The following TAS2R16 variants were observed in gnomAD, a reference collection of about 807,000 sequenced individuals.
TAS2R16 encodes taste 2 receptor member 16.
TAS2R16 carries 5 observed loss-of-function variants against 5.0 expected under a neutral mutation model. The observed-to-expected ratio is 1.00, with a 90% confidence interval of 0.52 to 2.11. TAS2R16 has a LOEUF of 2.11. Ranked by LOEUF, TAS2R16 falls within the 30% of genes most tolerant of loss-of-function variation. The probability of loss-of-function intolerance (pLI) is 0.01; values close to 1 mark genes in which losing one functional copy is unlikely to be tolerated. For missense variants in TAS2R16, 363 were observed against 341.3 expected (o/e 1.06, Z -0.50); for synonymous variants, 142 against 123.3 (o/e 1.15, Z -1.00).
Position 122,995,229 on chromosome 7 carries a change from T to C in TAS2R16, c.406A>G (p.Ile136Val). 6.2e-7 allele frequency: 1 copy of C among 1,613,746 alleles called. No individual in the cohort carries two copies. The highest frequency in any genetic ancestry group is 1.1e-5 in the South Asian group (1 of 91,074). Residue 136 changes from isoleucine to valine, a missense_variant, in exon 1 of 1, where the codon ATT becomes GTT. By Grantham distance (29) the Ile-to-Val change is conservative. Transcript: ENST00000249284. ...GAAGGGATGATTGTTACACAAGTAA[T>C]CATCAGAGAACCCAGTAATATCCAG... Reference protein sequence around the residue: ...FPWILLGSLMITCVTIIPSAI... With the variant: ...FPWILLGSLMVTCVTIIPSAI...
Position 122,995,075 on chromosome 7 carries a change from A to T in TAS2R16, c.560T>A (p.Ile187Asn), listed in dbSNP as rs777026373. The T allele has an allele frequency of 2.5e-6, 4 of 1,613,910 alleles. No individual in the cohort carries two copies. The highest frequency in any genetic ancestry group is 3.4e-6 in the Non-Finnish European group (4 of 1,179,890). ...GGAGGCCAGGAACAGGATGAAAGGA[A>T]TAACCAATGCAACTGTATGAGCCTG... is the stretch of plus-strand genomic sequence containing the variant. Reference protein sequence around the residue: ...QFQAHTVALVIPFILFLASTI... With the variant: ...QFQAHTVALVNPFILFLASTI... Residue 187 changes from isoleucine (I) to asparagine (N), a missense_variant, in exon 1 of 1, where the codon ATT becomes AAT. Transcript: ENST00000249284.
chr7:122,994,860 A>G lies in TAS2R16; in HGVS notation c.775T>C (p.Trp259Arg), dbSNP rs1825946614. ...GTLFDKRCWL[W>R]VWEAFVYAFI... Reference sequence around the variant, plus strand: ...GCATAGACAAAAGCTTCCCAGACCCATAACCAACATCTCTTATCAAATAGA... The same window carrying G: ...GCATAGACAAAAGCTTCCCAGACCCGTAACCAACATCTCTTATCAAATAGA... Residue 259 changes from tryptophan to arginine, a missense_variant, in exon 1 of 1, where the codon TGG becomes CGG. Coordinates refer to ENST00000249284, the MANE Select transcript of TAS2R16 (RefSeq NM_016945.3). The G allele has an allele frequency of 6.2e-7, 1 of 1,613,692 alleles. No homozygotes were observed. Among genetic ancestry groups the G allele is most frequent in the Middle Eastern group, 1.7e-4 (1 of 6,054 alleles).
chr7:122,995,642 C>T lies in TAS2R16; in HGVS notation c.-8G>A, dbSNP rs544041609. ...GAGTTGGATGGGTATCATTCTTCTACTCCAAAGTGTCTTCCTGGACAAAGA... is the reference window on the plus strand; with the variant it reads ...GAGTTGGATGGGTATCATTCTTCTATTCCAAAGTGTCTTCCTGGACAAAGA... On this transcript the variant is annotated 5_prime_UTR_variant, in exon 1 of 1. Transcript: ENST00000249284. The T allele has an allele frequency of 6.5e-7, 1 of 1,527,956 alleles. No homozygotes were observed. The highest frequency in any genetic ancestry group is 1.3e-5 in the South Asian group (1 of 76,164). The allele number at this position is 1,527,956 out of a possible 1,614,324, so 94.6% of individuals were successfully genotyped here.
rs860170 is a variant in TAS2R16, at chr7:122,994,970, C to T, written c.665G>A (p.Arg222His). 1,106,187 of 1,613,532 alleles carry T rather than the reference C, an allele frequency of 0.69. 382,313 individuals are homozygous for T. The highest frequency in any genetic ancestry group is 0.91 in the African/African-American group (68,276 of 74,972). ...TGHCNPSMKA[R>H]FTALRSLAVL... ...GGCAAGGGACCTCAGGGCAGTGAAG[C>T]GCGCTTTCATGCTTGGATTGCAGTG... The change falls in exon 1 of 1, where the codon CGC becomes CAC. Residue 222 changes from arginine (R) to histidine (H), a missense_variant. Coordinates refer to ENST00000249284, the MANE Select transcript of TAS2R16 (RefSeq NM_016945.3).
In TAS2R16 at chr7:122,995,175, A is replaced by G. The variant is rs2233989; in HGVS notation, c.460T>C (p.Leu154=). The change falls in exon 1 of 1, where the codon TTA becomes CTA. Residue 154 remains leucine, a synonymous_variant. Coordinates refer to ENST00000249284, the MANE Select transcript of TAS2R16 (RefSeq NM_016945.3). ...SAIGNYIQIQ[L]LTMEHLPRNS... ...CTTGGTAGATGCTCCATGGTGAGTA[A>G]CTGAATTTGAATGTAATTCCCAATA... is the stretch of plus-strand genomic sequence containing the variant. 10,281 of 1,613,810 alleles carry G rather than the reference A, an allele frequency of 6.4e-3. 576 individuals carry two copies. In the African/African-American group the frequency reaches 0.12, roughly 19 times the overall value.
chr7:122,995,227 A>G lies in TAS2R16; in HGVS notation c.408T>C (p.Ile136=), dbSNP rs763935293. ...CTGAAGGGATGATTGTTACACAAGT[A>G]ATCATCAGAGAACCCAGTAATATCC... The part of the protein sequence containing the change: ...FPWILLGSLM[I]TCVTIIPSAI... The change falls in exon 1 of 1, where the codon ATT becomes ATC. Residue 136 remains isoleucine, a synonymous_variant. Coordinates refer to ENST00000249284, the MANE Select transcript of TAS2R16 (RefSeq NM_016945.3). 1 of 1,613,842 alleles carries G rather than the reference A, an allele frequency of 6.2e-7. No homozygotes were observed. Among genetic ancestry groups the G allele is most frequent in the East Asian group, 2.2e-5 (1 of 44,792 alleles).
In TAS2R16 at chr7:122,995,399, C is replaced by G. The variant is rs748526287; in HGVS notation, c.236G>C (p.Cys79Ser). Reference protein sequence around the residue: ...CSYFNLNYVLCNLTITWEFFN... With the variant: ...CSYFNLNYVLSNLTITWEFFN... ...AAATTCCCAGGTGATTGTTAAGTTG[C>G]AAAGTACATAATTCAAATTAAAATA... The change falls in exon 1 of 1, where the codon TGC becomes TCC. Residue 79 changes from cysteine (C) to serine (S), a missense_variant. Transcript: ENST00000249284. The G allele has an allele frequency of 6.2e-7, 1 of 1,613,372 alleles. No homozygotes were observed. The highest frequency in any genetic ancestry group is 8.5e-7 in the Non-Finnish European group (1 of 1,179,800).
Position 122,995,002 on chromosome 7 carries a change from G to C in TAS2R16, c.633C>G (p.Ser211Arg). ...TCATGCTTGGATTGCAGTGACCAGTGCTATGATGTTGTATCTGCTTGGTCA... is the reference window on the plus strand; with the variant it reads ...TCATGCTTGGATTGCAGTGACCAGTCCTATGATGTTGTATCTGCTTGGTCA... ...ASLTKQIQHH[S>R]TGHCNPSMKA... is the part of the protein sequence containing the mutation. Residue 211 changes from serine (S) to arginine (R), a missense_variant, in exon 1 of 1, where the codon AGC becomes AGG. Ser to Arg is a moderately radical substitution (Grantham distance 110). Transcript: ENST00000249284. The C allele has an allele frequency of 6.2e-7, 1 of 1,613,882 alleles. No homozygotes were observed. The highest frequency in any genetic ancestry group is 8.5e-7 in the Non-Finnish European group (1 of 1,179,880).
Sources: gnomAD v4.1 joint callset for allele counts on GRCh38, gnomAD v4.1.1 for gene constraint, MANE v1.5 for transcripts, NCBI Gene and HGNC (gene_info 2026-07-23, HGNC 2026-07-21) for gene names.